TRPM3: variants seen among roughly 807,000 people sequenced by gnomAD.
TRPM3 encodes the protein transient receptor potential cation channel subfamily M member 3.
Under a neutral mutation model 181.2 loss-of-function variants are expected in TRPM3, and 77 were observed. The observed-to-expected ratio is 0.42, with a 90% CI of 0.35 to 0.51. The LOEUF is 0.51. TRPM3 is among the 20% of genes least tolerant of loss of function. TRPM3 has a pLI of 0.01. For synonymous variants in TRPM3, 745 were observed against 796.4 expected (o/e 0.94, Z 1.09); for missense variants, 1,759 against 2,196.7 (o/e 0.80, Z 3.98).
chr9:70,797,807 T>G (rs1279402579), intron 6 of TRPM3, among the ~76,000 whole-genome samples: 2 of 152,166 alleles, frequency 1.3e-5, no homozygotes, highest in African/African-American at 4.8e-5. Context: ...TCAGAGAACC[T>G]GAGATCCCTC....
intron 1 of TRPM3, among the ~76,000 whole-genome samples, chr9:70,938,395 G>C (rs2096850425): frequency 6.6e-6 from 1 of 152,066 alleles, no homozygotes; most frequent in Admixed American, 6.5e-5. Context: ...TGAGCCCTTT[G>C]TACATATGCT....
At chr9:71,182,961 G>A (rs190094773) in intron 1 of TRPM3, among the ~76,000 whole-genome samples, 7 of 152,038 alleles carry the variant, frequency 4.6e-5, no homozygotes, top group Admixed American at 2.6e-4. Flanking sequence ...CATGCCCAGC[G>A]TATTGAAAAT....
At chr9:71,277,913 A>T (rs1426540451) in intron 1 of TRPM3, among the ~76,000 whole-genome samples, 1 of 152,196 alleles carries the variant, frequency 6.6e-6, no homozygotes, top group African/African-American at 2.4e-5. Flanking sequence ...GCAGGAGGTT[A>T]TTTTTTAAAA....
intron 1 of TRPM3, among the ~76,000 whole-genome samples, chr9:70,926,088 C>T (rs1046243501): frequency 6.6e-6 from 1 of 151,880 alleles, no homozygotes; most frequent in African/African-American, 2.4e-5. Context: ...ATAGAAAAGT[C>T]ATCCATGTTT....
At chr9:70,765,634 T>A (rs2078969149) in intron 7 of TRPM3, among the ~76,000 whole-genome samples, 1 of 152,114 alleles carries the variant, frequency 6.6e-6, no homozygotes, top group African/African-American at 2.4e-5. Context: ...TATTTACTTC[T>A]AATTTTTCAT....
At chr9:71,049,608 G>T (rs1388776194) in intron 1 of TRPM3, among the ~76,000 whole-genome samples, 1 of 152,112 alleles carries the variant, frequency 6.6e-6, no homozygotes, top group African/African-American at 2.4e-5. Context: ...TGTTGCCTGG[G>T]TTTGCAGGGG....
intron 1 of TRPM3, among the ~76,000 whole-genome samples, chr9:71,361,289 CA>C (rs1272224744): frequency 6.6e-6 from 1 of 152,076 alleles, no homozygotes; most frequent in Non-Finnish European, 1.5e-5. Context: ...TTTGCGATTT[CA>C]AAAACTAATA....
intron 1 of TRPM3, among the ~76,000 whole-genome samples, chr9:71,289,056 C>T (rs890230055): frequency 3.3e-5 from 5 of 151,944 alleles, no homozygotes; most frequent in South Asian, 2.1e-4. Flanking sequence ...ATGTAATGGA[C>T]GTGTAGCACC....
intron 1 of TRPM3, among the ~76,000 whole-genome samples, chr9:71,375,649 AT>A (rs2092648743): frequency 1.3e-5 from 2 of 152,204 alleles, no homozygotes; most frequent in Admixed American, 6.5e-5. Flanking sequence ...AATATCCAGA[AT>A]CTACAAGGAA....
intron 1 of TRPM3, among the ~76,000 whole-genome samples, chr9:71,140,295 C>G (rs923121257): frequency 6.6e-6 from 1 of 152,122 alleles, no homozygotes; most frequent in Non-Finnish European, 1.5e-5. Flanking sequence ...AAAAGTTCAC[C>G]TCCTCAAAGT....
chr9:71,085,921 C>T (rs934599112), intron 1 of TRPM3, among the ~76,000 whole-genome samples: 1 of 152,006 alleles, frequency 6.6e-6, no homozygotes, highest in African/African-American at 2.4e-5. Flanking sequence ...GCACTAATCA[C>T]AATAGCAAAG....
In TRPM3 at chr9:70,536,250, A is replaced by T. The variant is rs761331494; in HGVS notation, c.4863T>A (p.Ile1621=). Reference sequence around the variant, plus strand: ...TATCACCCTCCTGGGAGGATATTGCAATGGTGGCTCTGCGGCCTTTGGCCT... The same window carrying T: ...TATCACCCTCCTGGGAGGATATTGCTATGGTGGCTCTGCGGCCTTTGGCCT... ...ENEAKGRRAT[I]AISSQEGDNS... The change falls in exon 26 of 26, where the codon ATT becomes ATA. Residue 1621 remains isoleucine, a synonymous_variant. Coordinates refer to ENST00000677713, the MANE Select transcript of TRPM3 (RefSeq NM_001366145.2). 1 of 1,614,172 alleles carries T rather than the reference A, an allele frequency of 6.2e-7. No individual in the cohort carries two copies. Among genetic ancestry groups the T allele is most frequent in the South Asian group, 1.1e-5 (1 of 91,078 alleles).
intron 22 of TRPM3, among the ~76,000 whole-genome samples, chr9:70,557,095 TAGAG>T (rs1188739282): frequency 1.3e-5 from 2 of 152,226 alleles, no homozygotes; most frequent in East Asian, 1.9e-4. Context: ...TATTGGGAAT[TAGAG>T]AGATGCTTCC....
intron 1 of TRPM3, among the ~76,000 whole-genome samples, chr9:71,118,271 T>C (rs1261732954): frequency 6.6e-6 from 1 of 152,174 alleles, no homozygotes; most frequent in Admixed American, 6.5e-5. Context: ...TGTGTTGGCA[T>C]GTTCAAAAAT....
intron 1 of TRPM3, among the ~76,000 whole-genome samples, chr9:71,291,001 AGAT>A (rs1030766815): frequency 5.5e-4 from 83 of 152,292 alleles, no homozygotes; most frequent in African/African-American, 1.9e-3. Flanking sequence ...CTAAAAACAC[AGAT>A]GATATTTGAT....
rs546175185 is a variant in TRPM3, at chr9:71,014,769, C to T, written c.177+106409G>A. 2.0e-5 allele frequency among the ~76,000 whole-genome samples: 3 copies of T among 152,174 alleles called. No homozygotes were observed. The South Asian group carries it at 6.2e-4, about 32-fold the overall frequency. ...GTATACAACATTGAGTTGAGTTTTGCACTGTGAGCTAATATGAAAATCTTT... is the reference window on the plus strand; with the variant it reads ...GTATACAACATTGAGTTGAGTTTTGTACTGTGAGCTAATATGAAAATCTTT... On this transcript the variant is annotated intron_variant, in intron 1 of 25. Transcript: ENST00000677713.
At chr9:71,217,911 G>T (rs2079996462) in intron 1 of TRPM3, among the ~76,000 whole-genome samples, 1 of 152,124 alleles carries the variant, frequency 6.6e-6, no homozygotes, top group Non-Finnish European at 1.5e-5. Context: ...CACTACCTTG[G>T]AGTGACTGGG....
At chr9:70,826,156 T>C (rs2093544036) in intron 6 of TRPM3, 1 of 152,242 alleles carries the variant, frequency 6.6e-6, no homozygotes, top group Non-Finnish European at 1.5e-5. Flanking sequence ...GTTCTTAACT[T>C]GATGGTGTAC....
At chr9:70,991,006 G>T (rs2097478238) in intron 1 of TRPM3, among the ~76,000 whole-genome samples, 1 of 152,170 alleles carries the variant, frequency 6.6e-6, no homozygotes, top group African/African-American at 2.4e-5. Context: ...AAGTTAATAT[G>T]TGTTACATTG....
Sources: gnomAD v4.1 joint callset for allele counts (sites outside exome capture counted in the v4.1 genomes callset) on GRCh38, gnomAD v4.1.1 for gene constraint, MANE v1.5 for transcripts, NCBI Gene and HGNC (gene_info 2026-07-23, HGNC 2026-07-21) for gene names.